The following AFAP1L2 variants were observed in gnomAD, a reference collection of about 807,000 sequenced individuals.
AFAP1L2 encodes the protein actin filament associated protein 1 like 2, also known as actin filament-associated protein 1-like 2.
Under a neutral mutation model 99.3 loss-of-function variants are expected in AFAP1L2, and 46 were observed. That is an observed-to-expected ratio of 0.46 (90% CI 0.37 to 0.59). The LOEUF is 0.59. AFAP1L2 is among the 20% of genes least tolerant of loss of function. AFAP1L2 has a pLI of 0.00. For synonymous variants in AFAP1L2, 397 were observed against 419.1 expected (o/e 0.95, Z 0.64); for missense variants, 959 against 1,034.9 (o/e 0.93, Z 1.01).
In AFAP1L2 at chr10:114,310,341, G is replaced by C; in HGVS notation, c.882+13C>G. On this transcript the variant is annotated intron_variant, in intron 8 of 18. Transcript: ENST00000304129. ...GGAAGGGGACTCTCCCTCCAGGCAGGGCAGAGGCTTACTTTCTGGCAGTTA... is the reference window on the plus strand; with the variant it reads ...GGAAGGGGACTCTCCCTCCAGGCAGCGCAGAGGCTTACTTTCTGGCAGTTA... The C allele has an allele frequency of 3.7e-6, 6 of 1,610,970 alleles. No individual in the cohort carries two copies. Among genetic ancestry groups the C allele is most frequent in the Non-Finnish European group, 5.1e-6 (6 of 1,178,764 alleles).
At chr10:114,316,721 C>G (rs1164730194) in intron 5 of AFAP1L2, among the ~76,000 whole-genome samples, 2 of 152,218 alleles carry the variant, frequency 1.3e-5, no homozygotes, top group Non-Finnish European at 2.9e-5. Context: ...AAAAATCAAT[C>G]AGTTCATCTG....
At chr10:114,290,464 G>A (rs754055712), downstream of AFAP1L2, 48 of 1,475,152 alleles carry the variant, frequency 3.3e-5, no homozygotes, top group African/African-American at 4.2e-5. Flanking sequence ...TAAAACATTC[G>A]TTCAGTGGAA....
chr10:114,281,566 T>TG, the AFAP1L2 span: 1 of 189,078 alleles, frequency 5.3e-6, no homozygotes, highest in South Asian at 1.8e-4. Flanking sequence ...TGGTGGCTGC[T>TG]GTGTTATCAC....
At chr10:114,328,573 A>G (rs971434998) in intron 4 of AFAP1L2, among the ~76,000 whole-genome samples, 5 of 152,200 alleles carry the variant, frequency 3.3e-5, no homozygotes, top group Non-Finnish European at 7.4e-5. Context: ...TGCTGTCTAC[A>G]CAGCCAGGTG....
chr10:114,328,445 G>A (rs1210047636), intron 4 of AFAP1L2, among the ~76,000 whole-genome samples: 1 of 152,194 alleles, frequency 6.6e-6, no homozygotes, highest in Non-Finnish European at 1.5e-5. Flanking sequence ...CTGAAGTTCT[G>A]GGATCAAGGG....
chr10:114,370,768 G>T (rs2053982148), intron 1 of AFAP1L2, among the ~76,000 whole-genome samples: 1 of 152,162 alleles, frequency 6.6e-6, no homozygotes, highest in Admixed American at 6.5e-5. Flanking sequence ...CTGCGGAGGG[G>T]ACCTGTGCCC....
At chr10:114,372,822 T>C (rs952791684) in intron 1 of AFAP1L2, among the ~76,000 whole-genome samples, 1 of 152,190 alleles carries the variant, frequency 6.6e-6, no homozygotes, top group African/African-American at 2.4e-5. Context: ...CATAATATTC[T>C]CTACATAAGA....
intron 11 of AFAP1L2, among the ~76,000 whole-genome samples, chr10:114,303,026 AATCATCATCAAAATCCCAGTGAATTTGGT>A (rs1564797532): frequency 6.6e-6 from 1 of 152,116 alleles, no homozygotes; most frequent in African/African-American, 2.4e-5. Flanking sequence ...TCAGCTGCTA[AATCATCATCAAAATCCCAGTGAATTTGGT>A]ATTTTTTTTT....
the AFAP1L2 span, chr10:114,289,142 C>T: frequency 3.1e-6 from 5 of 1,613,896 alleles, no homozygotes; most frequent in Non-Finnish European, 4.2e-6. Context: ...CCCACCCGGG[C>T]TGCGATGCTG....
At position 114,301,422 on chromosome 10, in the gene AFAP1L2, C is replaced by T; in HGVS notation, c.1474G>A (p.Gly492Ser). ...TCCTGGCGGTCCTGGCTAGGCAGGC[C>T]ATCGATGTAAGTGTTGGGCTCTGAG... The part of the protein sequence containing the change: ...KFSEPNTYID[G>S]LPSQDRQEEL... The change falls in exon 13 of 19, where the codon GGC (glycine) becomes AGC (serine). Residue 492 changes from glycine (G) to serine (S), a missense_variant. Coordinates refer to ENST00000304129, the MANE Select transcript of AFAP1L2 (RefSeq NM_001001936.3). 1 of 1,614,206 alleles carries T rather than the reference C, an allele frequency of 6.2e-7. No individual in the cohort carries two copies. The highest frequency in any genetic ancestry group is 2.2e-5 in the East Asian group (1 of 44,888).
At position 114,338,879 on chromosome 10, in the gene AFAP1L2, G is replaced by A. The variant is rs944237597; in HGVS notation, c.145+1724C>T. ...TATTTCACATATGTGCACTTTATAC[G>A]TAAATGATCTCAATTTTAAAAAGAC... is the stretch of plus-strand genomic sequence containing the variant. On this transcript the variant is annotated intron_variant, in intron 2 of 18. Transcript: ENST00000304129. 1.3e-4 allele frequency among the ~76,000 whole-genome samples: 20 copies of A among 152,272 alleles called. 1 individual carries two copies. The highest frequency in any genetic ancestry group is 9.2e-4 in the Admixed American group (14 of 15,288).
chr10:114,291,455 C>T (rs1330395456), downstream of AFAP1L2: 4 of 551,846 alleles, frequency 7.2e-6, no homozygotes, highest in Non-Finnish European at 1.2e-5. Context: ...CAGCTGATGT[C>T]ACCCACAAAC....
At chr10:114,338,498 C>T (rs138171391) in intron 2 of AFAP1L2, among the ~76,000 whole-genome samples, 2 of 152,284 alleles carry the variant, frequency 1.3e-5, no homozygotes, top group African/African-American at 2.4e-5. Context: ...TGTTCCTAGC[C>T]GCCTCCTTCG....
At chr10:114,350,371 A>T (rs777044446) in intron 1 of AFAP1L2, among the ~76,000 whole-genome samples, 6 of 152,162 alleles carry the variant, frequency 3.9e-5, no homozygotes, top group Non-Finnish European at 7.3e-5. Context: ...TTTGTCCCCA[A>T]ATGAAATTGA....
At chr10:114,334,024 C>T (rs1316925462) in intron 2 of AFAP1L2, among the ~76,000 whole-genome samples, 2 of 152,076 alleles carry the variant, frequency 1.3e-5, no homozygotes, top group Non-Finnish European at 2.9e-5. Context: ...AGTTCGCAGG[C>T]CTCTAGGTAG....
chr10:114,306,289 T>G (rs1361599667), intron 10 of AFAP1L2, among the ~76,000 whole-genome samples: 1 of 7,440 alleles, frequency 1.3e-4, no homozygotes, highest in Non-Finnish European at 2.7e-4. Flanking sequence ...GCAGGAGGCG[T>G]CGGGGCTGCA....
chr10:114,311,668 C>T (rs1490460813), intron 7 of AFAP1L2, among the ~76,000 whole-genome samples: 7 of 152,212 alleles, frequency 4.6e-5, no homozygotes, highest in African/African-American at 1.7e-4. Flanking sequence ...GCCAAATACA[C>T]GGATGGCCCT....
At chr10:114,390,587 G>GGT (rs1377542338) in intron 1 of AFAP1L2, among the ~76,000 whole-genome samples, 41 of 152,174 alleles carry the variant, frequency 2.7e-4, no homozygotes, top group Middle Eastern at 6.8e-3. Context: ...CAGGCATGGT[G>GGT]GCACGCACCT....
chr10:114,282,408 T>A, the AFAP1L2 span: 14 of 877,136 alleles, frequency 1.6e-5, no homozygotes, highest in Non-Finnish European at 2.7e-5. Context: ...CTTTCTTACT[T>A]CTGCATTGGA....
Sources: gnomAD v4.1 joint callset for allele counts (sites outside exome capture counted in the v4.1 genomes callset) on GRCh38, gnomAD v4.1.1 for gene constraint, MANE v1.5 for transcripts, NCBI Gene and HGNC (gene_info 2026-07-23, HGNC 2026-07-21) for gene names.